Variants in CTBP2 observed in about 807,000 individuals in gnomAD.
The protein encoded by CTBP2 is C-terminal binding protein 2.
A neutral mutation model predicts 80.3 loss-of-function variants in CTBP2; 30 were observed. The observed-to-expected ratio is 0.37, with a 90% CI of 0.28 to 0.51. The LOEUF is 0.51. Among genes scored for constraint, CTBP2 ranks in the 20% least tolerant of loss-of-function variants. CTBP2 has a pLI of 0.93. For synonymous variants in CTBP2, 594 were observed against 587.4 expected (o/e 1.01, Z -0.16); for missense variants, 1,212 against 1,375.3 (o/e 0.88, Z 1.88).
At chr10:125,078,439 T>C (rs1846633719) in intron 2 of CTBP2, among the ~76,000 whole-genome samples, 1 of 152,140 alleles carries the variant, frequency 6.6e-6, no homozygotes. Flanking sequence ...TATCAATTAT[T>C]ATTGATTACA....
chr10:125,000,302 G>A (rs928120235), intron 3 of CTBP2: 3 of 152,116 alleles, frequency 2.0e-5, no homozygotes, highest in South Asian at 2.1e-4. Flanking sequence ...GTCCTCTATC[G>A]CTCTGTGGAT....
rs576132960 is a variant in CTBP2 at position 125,067,888 on chromosome 10, A to G, written c.-101-28733T>C. ...AAGCCGCCAAGTGCAGTGTCTGCCC[A>G]AGAAGCCACCGGGCTGCAGACCCAG... is the stretch of plus-strand genomic sequence containing the variant. On this transcript the variant is annotated intron_variant, in intron 2 of 10. Transcript: ENST00000337195. 2.0e-3 allele frequency among the ~76,000 whole-genome samples: 310 copies of G among 152,292 alleles called. 2 individuals carry two copies. Among genetic ancestry groups the G allele is most frequent in the African/African-American group, 5.4e-3 (223 of 41,564 alleles).
At chr10:125,007,263 T>A (rs2134342668) in intron 1 of CTBP2, among the ~76,000 whole-genome samples, 1 of 152,350 alleles carries the variant, frequency 6.6e-6, no homozygotes, top group African/African-American at 2.4e-5. Flanking sequence ...AATTACTATC[T>A]GGTTTCAGGC....
At chr10:125,119,854 G>A (rs1185875429) in intron 1 of CTBP2, among the ~76,000 whole-genome samples, 1 of 152,202 alleles carries the variant, frequency 6.6e-6, no homozygotes, top group Non-Finnish European at 1.5e-5. Flanking sequence ...CTGAAGCTGG[G>A]GTGCAGAAAG....
At chr10:125,157,476 T>C (rs1237135439) in intron 1 of CTBP2, among the ~76,000 whole-genome samples, 1 of 150,878 alleles carries the variant, frequency 6.6e-6, no homozygotes, top group Non-Finnish European at 1.5e-5. Context: ...CCAAACCACC[T>C]AGTCAGGTTC....
At chr10:124,990,567 T>C (rs911137694) in intron 8 of CTBP2, among the ~76,000 whole-genome samples, 2 of 152,238 alleles carry the variant, frequency 1.3e-5, no homozygotes, top group African/African-American at 2.4e-5. Context: ...TTGTACAAAA[T>C]GGACTCCCAA....
At chr10:125,014,036 C>T (rs868242900) in intron 1 of CTBP2, among the ~76,000 whole-genome samples, 27 of 152,180 alleles carry the variant, frequency 1.8e-4, no homozygotes, top group African/African-American at 3.6e-4. Context: ...TCTTCCCACC[C>T]GGGTGTCTCT....
chr10:125,027,821 C>A lies in CTBP2; in HGVS notation c.-62G>T. The A allele has an allele frequency of 6.9e-7, 1 of 1,453,262 alleles. No individual in the cohort carries two copies. The highest frequency in any genetic ancestry group is 2.5e-5 in the Admixed American group (1 of 39,238). 90.0% of individuals were successfully genotyped at this position (1,453,262 alleles called of 1,614,324 possible). A position where few individuals can be genotyped will look rare whatever the true frequency, so the allele number is the denominator to read the frequency against. ...GCTTTTCTTTATAAATCTTCAATTA[C>A]ATACATCAAAAACAGACCTGGCTGT... On this transcript the variant is annotated 5_prime_UTR_variant, in exon 1 of 9. Coordinates refer to ENST00000309035, the MANE Select transcript of CTBP2 (RefSeq NM_022802.3).
upstream of CTBP2, among the ~76,000 whole-genome samples, chr10:125,031,219 T>C (rs990159373): frequency 6.6e-6 from 1 of 152,304 alleles, no homozygotes; most frequent in South Asian, 2.1e-4. Flanking sequence ...CCGGGTGCCG[T>C]GGCTCATGCC....
chr10:125,135,249 T>C (rs1265765224), intron 1 of CTBP2, among the ~76,000 whole-genome samples: 2 of 152,032 alleles, frequency 1.3e-5, no homozygotes, highest in Non-Finnish European at 2.9e-5. Context: ...GTGTCCTTTG[T>C]TCCCTGCAGC....
intron 3 of CTBP2, among the ~76,000 whole-genome samples, chr10:125,033,739 C>T (rs1043149012): frequency 6.6e-6 from 1 of 152,056 alleles, no homozygotes; most frequent in African/African-American, 2.4e-5. Context: ...ACTGACTTGG[C>T]CTGAAACTAG....
intron 2 of CTBP2, among the ~76,000 whole-genome samples, chr10:125,084,971 G>T (rs1847765584): frequency 6.6e-6 from 1 of 152,190 alleles, no homozygotes; most frequent in Non-Finnish European, 1.5e-5. Flanking sequence ...ATTTCCCCCA[G>T]CTCTAGGCAA....
chr10:125,128,470 A>C (rs1258704221), intron 1 of CTBP2, among the ~76,000 whole-genome samples: 2 of 152,234 alleles, frequency 1.3e-5, no homozygotes, highest in Non-Finnish European at 2.9e-5. Flanking sequence ...CAGGAAAAGC[A>C]AGAGAAACAG....
At chr10:125,092,279 C>T (rs1848890463) in intron 2 of CTBP2, among the ~76,000 whole-genome samples, 1 of 149,458 alleles carries the variant, frequency 6.7e-6, no homozygotes, top group African/African-American at 2.5e-5. Context: ...CAACCTCTGC[C>T]TTCTGGGGTC....
chr10:125,021,071 C>T (rs986893007), intron 1 of CTBP2, among the ~76,000 whole-genome samples: 13 of 152,254 alleles, frequency 8.5e-5, no homozygotes, highest in South Asian at 4.2e-4. Flanking sequence ...TCCACACCCA[C>T]GGGGTCAGAG....
At chr10:125,049,634 G>A (rs1962232972) in intron 2 of CTBP2, among the ~76,000 whole-genome samples, 1 of 152,172 alleles carries the variant, frequency 6.6e-6, no homozygotes, top group African/African-American at 2.4e-5. Flanking sequence ...AGGGAGAGGT[G>A]GAGACCCGCA....
intron 2 of CTBP2, among the ~76,000 whole-genome samples, chr10:125,085,434 A>G (rs1847835279): frequency 6.6e-6 from 1 of 152,194 alleles, no homozygotes; most frequent in African/African-American, 2.4e-5. Context: ...CTGCGGGCAT[A>G]TGGCAGGGGA....
intron 2 of CTBP2, among the ~76,000 whole-genome samples, chr10:125,081,147 A>T (rs1847115080): frequency 6.6e-6 from 1 of 152,212 alleles, no homozygotes. Context: ...CCAATCAGGA[A>T]AAAACACAGG....
chr10:125,002,263 G>T (rs957794586), intron 3 of CTBP2, among the ~76,000 whole-genome samples: 1 of 152,218 alleles, frequency 6.6e-6, no homozygotes, highest in Non-Finnish European at 1.5e-5. Context: ...CGATGCCAGC[G>T]GTCTGCTTCT....
Sources: allele counts gnomAD v4.1 joint callset (sites outside exome capture counted in the v4.1 genomes callset), GRCh38; gene constraint gnomAD v4.1.1; transcripts MANE v1.5; gene names NCBI Gene and HGNC (gene_info 2026-07-23, HGNC 2026-07-21).